ZFYVE9: variants seen among roughly 807,000 people sequenced by gnomAD.
ZFYVE9 encodes the protein zinc finger FYVE-type containing 9, also known as zinc finger FYVE domain-containing protein 9.
ZFYVE9 carries 43 observed loss-of-function variants against 126.7 expected under a neutral mutation model. The ratio of observed to expected loss-of-function variants is 0.34; its 90% CI spans 0.27 to 0.44. ZFYVE9 has a LOEUF of 0.44. Among genes scored for constraint, ZFYVE9 ranks in the 20% least tolerant of loss-of-function variants. The pLI, the probability that ZFYVE9 is intolerant of heterozygous loss-of-function variation, is 1.00. For missense variants in ZFYVE9, 1,476 were observed against 1,697.0 expected (o/e 0.87, Z 2.29); for synonymous variants, 521 against 597.4 (o/e 0.87, Z 1.87).
intron 1 of ZFYVE9, among the ~76,000 whole-genome samples, chr1:52,182,035 C>T (rs1051189274): frequency 6.0e-5 from 9 of 150,392 alleles, no homozygotes; most frequent in Admixed American, 1.3e-4. Flanking sequence ...CCGCCCCGTC[C>T]GGGAGGGAGG....
intron 3 of ZFYVE9, among the ~76,000 whole-genome samples, chr1:52,233,661 G>A (rs954965626): frequency 2.0e-5 from 3 of 152,136 alleles, no homozygotes; most frequent in African/African-American, 4.8e-5. Context: ...AAAATAGCTC[G>A]TTCTATATTG....
chr1:52,148,655 T>G (rs1644326089), intron 1 of ZFYVE9, among the ~76,000 whole-genome samples: 1 of 151,788 alleles, frequency 6.6e-6, no homozygotes, highest in Non-Finnish European at 1.5e-5. Flanking sequence ...TTCTTTTTTT[T>G]TTTTGAGATG....
intron 15 of ZFYVE9, among the ~76,000 whole-genome samples, chr1:52,335,660 T>C (rs930126333): frequency 2.0e-5 from 3 of 152,168 alleles, no homozygotes; most frequent in Non-Finnish European, 4.4e-5. Flanking sequence ...ATTTCCACCA[T>C]ACTCTGGTGT....
chr1:52,342,800 G>A (rs1266362278), intron 17 of ZFYVE9, among the ~76,000 whole-genome samples: 1 of 152,122 alleles, frequency 6.6e-6, no homozygotes, highest in Admixed American at 6.5e-5. Context: ...CCAAAGTACT[G>A]GGATTACAGG....
At chr1:52,228,159 A>G (rs1336680868) in intron 2 of ZFYVE9, among the ~76,000 whole-genome samples, 1 of 151,998 alleles carries the variant, frequency 6.6e-6, no homozygotes, top group Non-Finnish European at 1.5e-5. Flanking sequence ...GCCCACTGCA[A>G]CCTCCGTCTC....
At chr1:52,216,720 T>G (rs139231657) in intron 2 of ZFYVE9, among the ~76,000 whole-genome samples, 2 of 152,296 alleles carry the variant, frequency 1.3e-5, no homozygotes, top group East Asian at 3.9e-4. Flanking sequence ...GGCTCCTTCG[T>G]TTTAGAGTTT....
intron 1 of ZFYVE9, among the ~76,000 whole-genome samples, chr1:52,168,145 TTGAAAATA>T (rs1644529872): frequency 6.6e-6 from 1 of 151,948 alleles, no homozygotes; most frequent in Non-Finnish European, 1.5e-5. Context: ...TAAAGCAAAT[TTGAAAATA>T]GAAACAAATT....
intron 1 of ZFYVE9, among the ~76,000 whole-genome samples, chr1:52,148,552 A>G (rs1644325217): frequency 6.6e-6 from 1 of 152,196 alleles, no homozygotes; most frequent in South Asian, 2.1e-4. Context: ...TCTGGTTAAT[A>G]GAACTGATTA....
At chr1:52,337,638 C>A in intron 15 of ZFYVE9, 134 bp from the exon 16 acceptor site, 1 of 958,600 alleles carries the variant, frequency 1.0e-6, no homozygotes, top group Non-Finnish European at 1.5e-6. Context: ...AGAGGTTCAG[C>A]TCAAAGAGCA....
At chr1:52,291,118 G>A (rs1158106331) in intron 10 of ZFYVE9, among the ~76,000 whole-genome samples, 1 of 152,152 alleles carries the variant, frequency 6.6e-6, no homozygotes, top group Non-Finnish European at 1.5e-5. Flanking sequence ...GCCAGACCTG[G>A]GTAATCCTGG....
intron 16 of ZFYVE9, 77 bp downstream of exon 16, chr1:52,338,011 G>T: frequency 6.8e-7 from 1 of 1,471,912 alleles, no homozygotes; most frequent in Non-Finnish European, 9.1e-7. Context: ...GTCTACATTG[G>T]TGTTTTATAG....
At position 52,159,484 on chromosome 1, in the gene ZFYVE9, G is replaced by GACAACACAAGTTTGTTCA. The variant is rs1461746415; in HGVS notation, c.-143+17082_-143+17083insCAACACAAGTTTGTTCAA. ...CTCAGAGTGCGATGCAGGTCTGACA[G>GACAACACAAGTTTGTTCA]AGTCTCAGACAACACAGTGAAGACT... On this transcript the variant is annotated intron_variant, in intron 1 of 18. Coordinates refer to ENST00000287727, the MANE Select transcript of ZFYVE9 (RefSeq NM_004799.4). Among the ~76,000 whole-genome samples the GACAACACAAGTTTGTTCA allele has an allele frequency of 4.6e-5, 7 of 152,212 alleles. No homozygotes were observed. In the East Asian group the frequency reaches 9.6e-4, roughly 21 times the overall value.
rs370701944 is a variant in ZFYVE9 at position 52,338,063 on chromosome 1, G to A, written c.3833+129G>A. 21 of 1,165,866 alleles carry A rather than the reference G, an allele frequency of 1.8e-5. No individual in the cohort carries two copies. In the East Asian group the frequency reaches 4.7e-4, roughly 26 times the overall value. The allele number at this position is 1,165,866 out of a possible 1,614,324, so 72.2% of individuals were successfully genotyped here. A position where few individuals can be genotyped will look rare whatever the true frequency, so the allele number is the denominator to read the frequency against. ...GCCTAAGAGAAAGACTGCTTTGTATGCTTAACGTAGAATTTTAAATTTCTG... is the reference window on the plus strand; with the variant it reads ...GCCTAAGAGAAAGACTGCTTTGTATACTTAACGTAGAATTTTAAATTTCTG... On this transcript the variant is annotated intron_variant, in intron 16 of 18. Coordinates refer to ENST00000287727, the MANE Select transcript of ZFYVE9 (RefSeq NM_004799.4).
At chr1:52,178,021 C>T (rs369425255) in intron 1 of ZFYVE9, among the ~76,000 whole-genome samples, 18 of 151,050 alleles carry the variant, frequency 1.2e-4, no homozygotes, top group African/African-American at 2.4e-4. Flanking sequence ...GGCTCACGCC[C>T]GTAATCCCAG....
chr1:52,238,814 T>G lies in ZFYVE9; in HGVS notation c.1397T>G (p.Ile466Arg), dbSNP rs370635739. ...ESEECDFSTV[I>R]DTPAANYLSN... is the part of the protein sequence containing the mutation. ...GAAGAATGTGATTTCTCCACTGTTATAGACACACCAGCAGCAAATTATCTA... is the reference window on the plus strand; with the variant it reads ...GAAGAATGTGATTTCTCCACTGTTAGAGACACACCAGCAGCAAATTATCTA... The change falls in exon 4 of 19, where the codon ATA becomes AGA. Residue 466 changes from isoleucine to arginine, a missense_variant. This residue lies in a region of ZFYVE9 where 807 missense variants were observed against 794.6 expected (regional missense o/e 1.02). Coordinates refer to ENST00000287727, the MANE Select transcript of ZFYVE9 (RefSeq NM_004799.4). The G allele has an allele frequency of 1.9e-6, 3 of 1,614,124 alleles. No homozygotes were observed. The East Asian group carries it at 6.7e-5, about 36-fold the overall frequency.
intron 13 of ZFYVE9, among the ~76,000 whole-genome samples, chr1:52,316,298 C>A (rs1249336208): frequency 2.6e-5 from 4 of 151,462 alleles, no homozygotes; most frequent in Non-Finnish European, 5.9e-5. Context: ...CCAGCCTGGC[C>A]AACATGGTGA....
Position 52,263,078 on chromosome 1 carries a change from C to CAAA in ZFYVE9, c.2179-678_2179-676dup, listed in dbSNP as rs759753454. Among the ~76,000 whole-genome samples the CAAA allele has an allele frequency of 6.1e-3, 426 of 70,310 alleles. 7 individuals carry two copies. The highest frequency in any genetic ancestry group is 0.059 in the South Asian group (126 of 2,126). The allele number at this position is 70,310 out of a possible 152,430, so 46.1% of individuals were successfully genotyped here. A position where few individuals can be genotyped will look rare whatever the true frequency, so the allele number is the denominator to read the frequency against. ...TGGGCCACAGAGTCAAATTGTGTCT[C>CAAA]AAAAAAAAAAAAAAAAAAAGAAAAG... On this transcript the variant is annotated intron_variant, in intron 4 of 18. Transcript: ENST00000287727.
chr1:52,175,411 G>A lies in ZFYVE9; in HGVS notation c.-143+33008G>A, dbSNP rs1159305510. Among the ~76,000 whole-genome samples the A allele has an allele frequency of 2.6e-5, 4 of 151,934 alleles. No homozygotes were observed. The South Asian group carries it at 6.3e-4, about 24-fold the overall frequency. On this transcript the variant is annotated intron_variant, in intron 1 of 18. Coordinates refer to ENST00000287727, the MANE Select transcript of ZFYVE9 (RefSeq NM_004799.4). ...ATGGGCTTCCCTTTGTGGGTAACCCGACCTTTCTCTGTGGCTGCCCTTAAC... is the reference window on the plus strand; with the variant it reads ...ATGGGCTTCCCTTTGTGGGTAACCCAACCTTTCTCTGTGGCTGCCCTTAAC...
intron 1 of ZFYVE9, among the ~76,000 whole-genome samples, chr1:52,169,515 C>A (rs1184414067): frequency 1.3e-5 from 2 of 152,130 alleles, no homozygotes; most frequent in African/African-American, 4.8e-5. Context: ...TCATTCATTT[C>A]CATCCATTAG....
Sources: gnomAD v4.1 joint callset for allele counts (sites outside exome capture counted in the v4.1 genomes callset) on GRCh38, gnomAD v4.1.1 for gene constraint, gnomAD v4.1.1 regional missense constraint, MANE v1.5 for transcripts, NCBI Gene and HGNC (gene_info 2026-07-23, HGNC 2026-07-21) for gene names.